The following STAM2 variants were observed in gnomAD, a reference collection of about 807,000 sequenced individuals.
STAM2 encodes signal transducing adapter molecule 2.
In STAM2, 51 loss-of-function variants were observed where a neutral mutation model predicts 65.6. The ratio of observed to expected loss-of-function variants is 0.78; its 90% CI spans 0.62 to 0.98. STAM2 has a LOEUF of 0.98. STAM2 is among the 50% of genes least tolerant of loss of function. STAM2 has a pLI of 0.00. For missense variants in STAM2, 584 were observed against 617.8 expected, an observed-to-expected ratio of 0.95 and a Z score of 0.58; for synonymous variants, 198 against 208.4, an observed-to-expected ratio of 0.95 and a Z score of 0.43.
intron 13 of STAM2, among the ~76,000 whole-genome samples, chr2:152,121,943 G>A (rs1472264969): frequency 6.6e-6 from 1 of 151,908 alleles, no homozygotes; most frequent in African/African-American, 2.4e-5. Context: ...AGCTACTCAG[G>A]AGGCTGAGGC....
At chr2:152,169,962 C>T (rs1199980557) in intron 1 of STAM2, among the ~76,000 whole-genome samples, 1 of 151,820 alleles carries the variant, frequency 6.6e-6, no homozygotes, top group African/African-American at 2.4e-5. Context: ...CTCAGCCTCC[C>T]GAGTAGCTGA....
intron 1 of STAM2, among the ~76,000 whole-genome samples, chr2:152,167,778 T>C (rs1397611080): frequency 6.6e-6 from 1 of 151,830 alleles, no homozygotes; most frequent in Non-Finnish European, 1.5e-5. Context: ...GGCATGGTGG[T>C]GGGTGCCTGT....
rs1188932765 is a variant in STAM2, at chr2:152,175,751, CG to C, written c.-110del. The C allele has an allele frequency of 4.7e-5, 56 of 1,200,258 alleles. No homozygotes were observed. The highest frequency in any genetic ancestry group is 6.3e-5 in the Non-Finnish European group (53 of 839,080). The allele number at this position is 1,200,258 out of a possible 1,614,324, so 74.4% of individuals were successfully genotyped here. A position where few individuals can be genotyped will look rare whatever the true frequency, so the allele number is the denominator to read the frequency against. On this transcript the variant is annotated 5_prime_UTR_variant, in exon 1 of 14. Transcript: ENST00000263904. Reference sequence around the variant, plus strand: ...CCCTAGACCGCTCCGCTTCGGCCTCCGTCCCTGCACTTCCGCCACCGCACCT... The same window carrying C: ...CCCTAGACCGCTCCGCTTCGGCCTCCTCCCTGCACTTCCGCCACCGCACCT...
intron 1 of STAM2, among the ~76,000 whole-genome samples, chr2:152,160,666 G>GCCCGGCCAGCCACCCCGT (rs1227832155): frequency 1.4e-5 from 2 of 140,536 alleles, no homozygotes; most frequent in Non-Finnish European, 3.1e-5. Context: ...TCAGCCCCCC[G>GCCCGGCCAGCCACCCCGT]CCCGGCCAGC....
intron 1 of STAM2, among the ~76,000 whole-genome samples, chr2:152,156,984 A>G (rs1689566834): frequency 6.6e-6 from 1 of 152,180 alleles, no homozygotes; most frequent in African/African-American, 2.4e-5. Flanking sequence ...GGGAATGAAT[A>G]GCAGGCAGAG....
chr2:152,123,707 C>A, intron 13 of STAM2, 59 bp downstream of exon 13: 1 of 1,511,348 alleles, frequency 6.6e-7, no homozygotes, highest in Non-Finnish European at 9.1e-7. Flanking sequence ...TATATATTCT[C>A]ATTCTGAAAA....
chr2:152,157,006 T>C (rs917307051), intron 1 of STAM2, among the ~76,000 whole-genome samples: 6 of 152,074 alleles, frequency 3.9e-5, no homozygotes, highest in Admixed American at 2.6e-4. Context: ...AGGTCCCAGA[T>C]CTTTGAGGGA....
intron 11 of STAM2, 83 bp downstream of exon 11, chr2:152,132,031 A>C: frequency 1.0e-6 from 1 of 984,222 alleles, no homozygotes; most frequent in Non-Finnish European, 1.6e-6. Context: ...AGTTCCACAA[A>C]AACTTTCCCT....
chr2:152,165,275 CA>C (rs1689755884), intron 1 of STAM2, among the ~76,000 whole-genome samples: 1 of 151,538 alleles, frequency 6.6e-6, no homozygotes, highest in African/African-American at 2.4e-5. Flanking sequence ...AAAAAAAATA[CA>C]AAAAATTATC....
rs538066201 is a variant in STAM2, at chr2:152,144,595, G to C, written c.517+293C>G. On this transcript the variant is annotated intron_variant, in intron 6 of 13. Coordinates refer to ENST00000263904, the MANE Select transcript of STAM2 (RefSeq NM_005843.6). ...CACTCCATCGCCAGGCTGGAGCACA[G>C]TGGTGCCATCTTGGCTCACTGCAAC... 6 of 260,766 alleles carry C rather than the reference G, an allele frequency of 2.3e-5. 1 individual carries two copies. The South Asian group carries it at 4.0e-4, about 18-fold the overall frequency. 16.2% of individuals were successfully genotyped at this position (260,766 alleles called of 1,614,324 possible).
chr2:152,143,178 C>A (rs1380545506), intron 7 of STAM2, among the ~76,000 whole-genome samples: 1 of 152,086 alleles, frequency 6.6e-6, no homozygotes, highest in Admixed American at 6.5e-5. Context: ...TATTTATCTA[C>A]CCTTTATTTA....
At chr2:152,161,121 A>T (rs1256906095) in intron 1 of STAM2, among the ~76,000 whole-genome samples, 1 of 152,068 alleles carries the variant, frequency 6.6e-6, no homozygotes, top group Non-Finnish European at 1.5e-5. Context: ...AAAGAGGTAG[A>T]CATGGGAGAC....
At chr2:152,166,429 G>T (rs1689786596) in intron 1 of STAM2, among the ~76,000 whole-genome samples, 1 of 152,154 alleles carries the variant, frequency 6.6e-6, no homozygotes, top group African/African-American at 2.4e-5. Flanking sequence ...GGTGATAGAT[G>T]GTTAGAACTG....
chr2:152,165,173 C>A (rs574067431), intron 1 of STAM2, among the ~76,000 whole-genome samples: 1 of 152,148 alleles, frequency 6.6e-6, no homozygotes, highest in Non-Finnish European at 1.5e-5. Context: ...TGCCTGCAAT[C>A]CCAGCACTTT....
intron 1 of STAM2, among the ~76,000 whole-genome samples, chr2:152,156,738 A>C (rs957829364): frequency 6.6e-6 from 1 of 152,318 alleles, no homozygotes; most frequent in South Asian, 2.1e-4. Flanking sequence ...TTTAAAAAGA[A>C]TCTAGCTCTA....
chr2:152,159,868 G>A (rs1689628205), intron 1 of STAM2, among the ~76,000 whole-genome samples: 1 of 152,192 alleles, frequency 6.6e-6, no homozygotes, highest in African/African-American at 2.4e-5. Context: ...GCCTGCGATT[G>A]CAGGCGCGCG....
At chr2:152,156,699 C>A (rs901347708) in intron 1 of STAM2, among the ~76,000 whole-genome samples, 1 of 152,042 alleles carries the variant, frequency 6.6e-6, no homozygotes, top group South Asian at 2.1e-4. Flanking sequence ...AGGCTCCCCC[C>A]CTTACAGTCA....
At chr2:152,158,123 G>T (rs183936738) in intron 1 of STAM2, among the ~76,000 whole-genome samples, 3 of 152,244 alleles carry the variant, frequency 2.0e-5, no homozygotes, top group Non-Finnish European at 2.9e-5. Flanking sequence ...GCTCAGCAGA[G>T]AAATGAAAAC....
intron 1 of STAM2, among the ~76,000 whole-genome samples, chr2:152,153,773 T>C (rs572708631): frequency 6.6e-6 from 1 of 152,130 alleles, no homozygotes; most frequent in South Asian, 2.1e-4. Flanking sequence ...GAACTACATA[T>C]CTAATAAATT....
Sources: gnomAD v4.1 joint callset for allele counts (sites outside exome capture counted in the v4.1 genomes callset) on GRCh38, gnomAD v4.1.1 for gene constraint, MANE v1.5 for transcripts, NCBI Gene and HGNC (gene_info 2026-07-23, HGNC 2026-07-21) for gene names.